Variants in VPS37C observed in about 807,000 individuals in gnomAD.
The protein encoded by VPS37C is vacuolar protein sorting-associated protein 37C.
VPS37C carries 9 observed loss-of-function variants against 16.1 expected under a neutral mutation model. That is an observed-to-expected ratio of 0.56 (90% CI 0.34 to 0.97). VPS37C has a LOEUF of 0.97. Among genes scored for constraint, VPS37C ranks in the 50% least tolerant of loss-of-function variants. VPS37C has a pLI of 0.02. For synonymous variants in VPS37C, 207 were observed against 206.4 expected (o/e 1.00, Z -0.02); for missense variants, 479 against 472.7 (o/e 1.01, Z -0.12).
intron 1 of VPS37C, among the ~76,000 whole-genome samples, chr11:61,142,902 T>C (rs1265959297): frequency 8.0e-6 from 1 of 125,718 alleles, no homozygotes; most frequent in Non-Finnish European, 1.6e-5. Context: ...CATGTATACA[T>C]ATGTAACTAA....
intron 1 of VPS37C, among the ~76,000 whole-genome samples, chr11:61,147,491 G>A (rs543406829): frequency 3.3e-5 from 5 of 152,078 alleles, no homozygotes; most frequent in African/African-American, 4.8e-5. Flanking sequence ...GCAGCGCCAC[G>A]TCCCCAGCAA....
chr11:61,151,673 T>C (rs628327), intron 1 of VPS37C, among the ~76,000 whole-genome samples: 113,015 of 152,092 alleles, frequency 0.74, 43,510 homozygotes, highest in East Asian at 1. Flanking sequence ...CCATTCTTAC[T>C]TCTGCAACTC....
intron 1 of VPS37C, among the ~76,000 whole-genome samples, chr11:61,140,302 G>A (rs986202527): frequency 1.3e-5 from 2 of 152,192 alleles, no homozygotes; most frequent in Non-Finnish European, 2.9e-5. Context: ...AGGGCCATCA[G>A]AAAGGTAAGA....
chr11:61,158,798 GT>G (rs1330730507), intron 1 of VPS37C, among the ~76,000 whole-genome samples: 8 of 152,200 alleles, frequency 5.3e-5, no homozygotes, highest in Admixed American at 4.6e-4. Context: ...ATTTGCTTAA[GT>G]CTTTCACATA....
At chr11:61,155,847 C>A (rs537009) in intron 1 of VPS37C, among the ~76,000 whole-genome samples, 113,092 of 152,174 alleles carry the variant, frequency 0.74, 43,540 homozygotes, top group East Asian at 1. Context: ...TTTACATTTT[C>A]ATCTCCTTAA....
At chr11:61,155,869 C>G (rs1423926224) in intron 1 of VPS37C, among the ~76,000 whole-genome samples, 2 of 152,136 alleles carry the variant, frequency 1.3e-5, no homozygotes, top group Admixed American at 6.5e-5. Flanking sequence ...AAATAATTGA[C>G]TATTTAAAGC....
Position 61,132,384 on chromosome 11 carries a change from G to A in VPS37C, c.504C>T (p.Gly168=), listed in dbSNP as rs373025668. 5.6e-5 allele frequency: 89 copies of A among 1,601,950 alleles called. 1 individual carries two copies. The highest frequency in any genetic ancestry group is 1.1e-4 in the South Asian group (10 of 89,700). ...GTGGTGGACGGGGTGGAGGGGCATC[G>A]CCGGCCAGCTCCTGGGAAGCCCTGG... ...RKPRASQELA[G]DAPPPRPPPP... is the part of the protein sequence containing the mutation. The change falls in exon 5 of 5, where the codon GGC becomes GGT. Residue 168 remains glycine, a synonymous_variant. Coordinates refer to ENST00000301765, the MANE Select transcript of VPS37C (RefSeq NM_017966.5).
chr11:61,155,843 T>A (rs1366956598), intron 1 of VPS37C, among the ~76,000 whole-genome samples: 1 of 152,240 alleles, frequency 6.6e-6, no homozygotes, highest in Non-Finnish European at 1.5e-5. Context: ...GAACTTTACA[T>A]TTTCATCTCC....
At chr11:61,144,614 T>G (rs1031654534) in intron 1 of VPS37C, 1 of 152,232 alleles carries the variant, frequency 6.6e-6, no homozygotes, top group African/African-American at 2.4e-5. Flanking sequence ...GGCTTCAGAT[T>G]TGCAGTGACG....
At chr11:61,145,074 A>C (rs1266324998) in intron 1 of VPS37C, 4 of 152,150 alleles carry the variant, frequency 2.6e-5, no homozygotes, top group African/African-American at 9.7e-5. Flanking sequence ...GTACTATCAC[A>C]CTGGTCTTTA....
intron 1 of VPS37C, among the ~76,000 whole-genome samples, chr11:61,157,078 T>C (rs939654322): frequency 2.0e-4 from 30 of 152,396 alleles, no homozygotes; most frequent in South Asian, 2.1e-4. Context: ...TTCTTTCCTT[T>C]TTAAGACTGA....
intron 1 of VPS37C, 46 bp from the exon 2 acceptor site, chr11:61,138,881 G>A (rs147313709): frequency 4.9e-5 from 77 of 1,567,538 alleles, no homozygotes; most frequent in South Asian, 3.6e-4. Context: ...AGCCCAAGAC[G>A]AAGGGACCCC....
At chr11:61,133,926 TG>T in intron 3 of VPS37C, 109 bp downstream of exon 3, 1 of 1,328,478 alleles carries the variant, frequency 7.5e-7, no homozygotes, top group African/African-American at 1.5e-5. Context: ...CACCCTTCTA[TG>T]GCTGTTGTGA....
chr11:61,146,015 A>C (rs471718), intron 1 of VPS37C, among the ~76,000 whole-genome samples: 86,841 of 152,106 alleles, frequency 0.57, 25,660 homozygotes, highest in East Asian at 0.99. Flanking sequence ...CTTGAAGACA[A>C]GGAGAATGTC....
In VPS37C at chr11:61,131,859, C is replaced by G; in HGVS notation, c.1029G>C (p.Gly343=). The G allele has an allele frequency of 1.3e-5, 17 of 1,263,778 alleles. No homozygotes were observed. Among genetic ancestry groups the G allele is most frequent in the Non-Finnish European group, 1.7e-5 (17 of 999,040 alleles). The allele number at this position is 1,263,778 out of a possible 1,614,324, so 78.3% of individuals were successfully genotyped here. ...PYPPGPAPPY[G]FPPPPGPAWP... ...AGGCAGGCCCCGGCGGTGGTGGGAA[C>G]CCATAGGGAGGGGCGGGCCCGGGGG... The change falls in exon 5 of 5, where the codon GGG becomes GGC. Residue 343 remains glycine, a synonymous_variant. Coordinates refer to ENST00000301765, the MANE Select transcript of VPS37C (RefSeq NM_017966.5).
chr11:61,147,849 T>C (rs1210202197), intron 1 of VPS37C, among the ~76,000 whole-genome samples: 1 of 152,168 alleles, frequency 6.6e-6, no homozygotes, highest in East Asian at 1.9e-4. Context: ...CCCCAGATTG[T>C]GTGTCTGGAC....
At chr11:61,160,484 T>C (rs1853454888) in intron 1 of VPS37C, among the ~76,000 whole-genome samples, 1 of 151,932 alleles carries the variant, frequency 6.6e-6, no homozygotes, top group African/African-American at 2.4e-5. Context: ...CTGGAGCCAA[T>C]AAAGAGGGTG....
At chr11:61,154,358 T>C (rs559177673) in intron 1 of VPS37C, among the ~76,000 whole-genome samples, 1 of 152,294 alleles carries the variant, frequency 6.6e-6, no homozygotes, top group East Asian at 1.9e-4. Flanking sequence ...AGATTAAGCA[T>C]GTTAGAGACA....
intron 1 of VPS37C, among the ~76,000 whole-genome samples, chr11:61,150,976 C>T (rs1012127601): frequency 2.6e-5 from 4 of 152,166 alleles, no homozygotes; most frequent in Admixed American, 1.3e-4. Flanking sequence ...CTAAGGTAAT[C>T]CTCACCGCTC....
Sources: allele counts gnomAD v4.1 joint callset (sites outside exome capture counted in the v4.1 genomes callset), GRCh38; gene constraint gnomAD v4.1.1; transcripts MANE v1.5; gene names NCBI Gene and HGNC (gene_info 2026-07-23, HGNC 2026-07-21).